Variants in PLPP4 observed in about 807,000 individuals in gnomAD.
PLPP4 encodes phospholipid phosphatase 4, also known as diacylglycerol pyrophosphate like 2.
PLPP4 carries 20 observed loss-of-function variants against 32.2 expected under a neutral mutation model. The observed-to-expected ratio is 0.62, with a 90% CI of 0.44 to 0.90. The LOEUF (loss-of-function observed/expected upper bound fraction) is 0.90, where lower values mean the gene tolerates loss of function less well. Among genes scored for constraint, PLPP4 ranks in the 40% least tolerant of loss-of-function variants. The pLI is 0.00. For missense variants in PLPP4, 257 were observed against 353.1 expected (o/e 0.73, Z 2.18); for synonymous variants, 127 against 133.0 (o/e 0.95, Z 0.31).
intron 1 of PLPP4, among the ~76,000 whole-genome samples, chr10:120,500,765 C>T (rs889484097): frequency 1.6e-4 from 24 of 152,078 alleles, no homozygotes; most frequent in African/African-American, 5.3e-4. Context: ...TGGTATAATC[C>T]GAAGGCAATC....
At chr10:120,465,182 T>TA (rs1225940669) in intron 1 of PLPP4, among the ~76,000 whole-genome samples, 3 of 152,212 alleles carry the variant, frequency 2.0e-5, no homozygotes, top group Non-Finnish European at 2.9e-5. Context: ...AGTGCTTCTT[T>TA]AAAAAATATT....
intron 6 of PLPP4, among the ~76,000 whole-genome samples, chr10:120,576,172 C>T (rs1849215308): frequency 1.3e-5 from 2 of 152,218 alleles, no homozygotes; most frequent in South Asian, 2.1e-4. Flanking sequence ...GTCTAAGAAA[C>T]ACTGGTAAAG....
intron 1 of PLPP4, among the ~76,000 whole-genome samples, chr10:120,466,362 A>G (rs148906470): frequency 1.3e-5 from 2 of 152,344 alleles, no homozygotes; most frequent in East Asian, 1.9e-4. Context: ...GCCAAAAGTG[A>G]TAAATATCCC....
At chr10:120,571,857 A>C (rs1848955893) in intron 5 of PLPP4, among the ~76,000 whole-genome samples, 1 of 152,198 alleles carries the variant, frequency 6.6e-6, no homozygotes, top group Non-Finnish European at 1.5e-5. Flanking sequence ...ATGGCCTCAA[A>C]AGTCCTTTGT....
chr10:120,533,500 G>A (rs1484528841), intron 5 of PLPP4, among the ~76,000 whole-genome samples: 3 of 152,036 alleles, frequency 2.0e-5, no homozygotes, highest in Admixed American at 6.6e-5. Flanking sequence ...ATTGTTTACA[G>A]CAAAAAGCTT....
chr10:120,489,933 A>C (rs1844636745), intron 1 of PLPP4, among the ~76,000 whole-genome samples: 1 of 152,200 alleles, frequency 6.6e-6, no homozygotes. Flanking sequence ...CACCTACTGC[A>C]TGCCAGGCAC....
intron 6 of PLPP4, among the ~76,000 whole-genome samples, chr10:120,577,556 A>G (rs771376277): frequency 9.9e-5 from 15 of 152,230 alleles, no homozygotes; most frequent in Non-Finnish European, 2.2e-4. Flanking sequence ...AGGCACAGAA[A>G]GGAACTATGA....
intron 5 of PLPP4, among the ~76,000 whole-genome samples, chr10:120,567,176 AT>A (rs1341967744): frequency 9.9e-5 from 15 of 152,202 alleles, no homozygotes; most frequent in African/African-American, 3.6e-4. Context: ...CAAACAAAAT[AT>A]ATAGTCTGCT....
intron 5 of PLPP4, among the ~76,000 whole-genome samples, chr10:120,568,348 T>G (rs1424027137): frequency 6.6e-6 from 1 of 152,214 alleles, no homozygotes; most frequent in Non-Finnish European, 1.5e-5. Flanking sequence ...TAGCAAACCC[T>G]GAGACAGGTT....
Position 120,528,069 on chromosome 10 carries a change from G to GTTTTT in PLPP4, c.445+6993_445+6997dup, listed in dbSNP as rs35501001. On this transcript the variant is annotated intron_variant, in intron 5 of 6. Coordinates refer to ENST00000398250, the MANE Select transcript of PLPP4 (RefSeq NM_001030059.3). ...GGAAATTTGAAAAATACCACTCTCC[G>GTTTTT]TTTTTTTTTTTTTTTTTTTTTTTGA... is the stretch of plus-strand genomic sequence containing the variant. 1.7e-3 allele frequency among the ~76,000 whole-genome samples: 141 copies of GTTTTT among 84,262 alleles called. 4 individuals are homozygous for GTTTTT. Among genetic ancestry groups the GTTTTT allele is most frequent in the South Asian group, 2.4e-3 (5 of 2,060 alleles). 55.3% of individuals were successfully genotyped at this position (84,262 alleles called of 152,430 possible). A position where few individuals can be genotyped will look rare whatever the true frequency, so the allele number is the denominator to read the frequency against.
chr10:120,550,964 G>A (rs1214354758), intron 5 of PLPP4, among the ~76,000 whole-genome samples: 1 of 151,982 alleles, frequency 6.6e-6, no homozygotes, highest in Non-Finnish European at 1.5e-5. Context: ...CAAGTCACAG[G>A]CTGAAAGAAA....
intron 1 of PLPP4, among the ~76,000 whole-genome samples, chr10:120,486,548 A>T (rs1344831029): frequency 6.6e-6 from 1 of 152,240 alleles, no homozygotes; most frequent in Non-Finnish European, 1.5e-5. Flanking sequence ...GAATACATTT[A>T]AAGTGCTCAG....
chr10:120,507,358 CATT>C (rs76085078), intron 2 of PLPP4, among the ~76,000 whole-genome samples: 20,008 of 67,494 alleles, frequency 0.3, 1,510 homozygotes, highest in South Asian at 0.47. Flanking sequence ...TCATCATCAT[CATT>C]ATCATCATCA....
At position 120,511,602 on chromosome 10, in the gene PLPP4, C is replaced by G. The variant is rs116077101; in HGVS notation, c.166-2309C>G. Among the ~76,000 whole-genome samples the G allele has an allele frequency of 7.5e-3, 1,134 of 152,190 alleles. 16 individuals carry two copies. Among genetic ancestry groups the G allele is most frequent in the African/African-American group, 0.026 (1,076 of 41,514 alleles). On this transcript the variant is annotated intron_variant, in intron 2 of 6. Transcript: ENST00000398250. ...GGTCTGTATGCAGTGCTTAAAGGGA[C>G]AGAAAACAGGAAGGTAAGCTGGTAG... is the stretch of plus-strand genomic sequence containing the variant.
At chr10:120,517,212 A>G (rs1167731171) in intron 3 of PLPP4, among the ~76,000 whole-genome samples, 1 of 152,164 alleles carries the variant, frequency 6.6e-6, no homozygotes, top group Non-Finnish European at 1.5e-5. Flanking sequence ...CCAGGATGAT[A>G]ATGAGTTCAG....
chr10:120,474,232 T>C (rs1843798094), intron 1 of PLPP4, among the ~76,000 whole-genome samples: 1 of 152,112 alleles, frequency 6.6e-6, no homozygotes, highest in South Asian at 2.1e-4. Context: ...AAGTTTTTCT[T>C]TGACACAGGT....
intron 1 of PLPP4, among the ~76,000 whole-genome samples, chr10:120,481,535 A>G (rs1201380723): frequency 6.6e-6 from 1 of 152,196 alleles, no homozygotes; most frequent in Non-Finnish European, 1.5e-5. Flanking sequence ...TGATAATGGC[A>G]ACCACAATAT....
intron 5 of PLPP4, among the ~76,000 whole-genome samples, chr10:120,534,180 G>C (rs1846882683): frequency 6.6e-6 from 1 of 151,576 alleles, no homozygotes; most frequent in Non-Finnish European, 1.5e-5. Context: ...TTTAGTTTTT[G>C]TTTCTCTGGG....
chr10:120,495,583 G>A (rs181730381), intron 1 of PLPP4, among the ~76,000 whole-genome samples: 11 of 152,200 alleles, frequency 7.2e-5, no homozygotes, highest in African/African-American at 2.2e-4. Context: ...CTTTCCTTTC[G>A]GCTCTCACCT....
Sources: allele counts gnomAD v4.1 joint callset (sites outside exome capture counted in the v4.1 genomes callset), GRCh38; gene constraint gnomAD v4.1.1; transcripts MANE v1.5; gene names NCBI Gene and HGNC (gene_info 2026-07-23, HGNC 2026-07-21).